Variants in CATSPER2 observed in about 807,000 individuals in gnomAD.
CATSPER2 encodes cation channel sperm associated 2.
A neutral mutation model predicts 68.8 loss-of-function variants in CATSPER2; 56 were observed. The observed-to-expected ratio is 0.81, with a 90% CI of 0.66 to 1.02. The LOEUF is 1.02. Ranked by LOEUF, CATSPER2 falls within the 50% of genes least tolerant of loss-of-function variation. CATSPER2 has a pLI of 0.00. For missense variants in CATSPER2, 582 were observed against 642.0 expected (o/e 0.91, Z 1.01); for synonymous variants, 198 against 229.9 (o/e 0.86, Z 1.26).
At chr15:43,645,656 G>T (rs1346343610) in intron 4 of CATSPER2, among the ~76,000 whole-genome samples, 1 of 151,712 alleles carries the variant, frequency 6.6e-6, no homozygotes, top group Non-Finnish European at 1.5e-5. Flanking sequence ...GCCTGGTGTA[G>T]TGGGCATGCA....
Position 43,640,496 on chromosome 15 carries a change from T to G in CATSPER2, c.389A>C (p.Glu130Ala). The change falls in exon 5 of 13, where the codon GAA (glutamate) becomes GCA (alanine). Residue 130 changes from glutamate (E) to alanine (A), a missense_variant and splice_region_variant. Around this residue, in one of 5 missense-constraint regions of CATSPER2, gnomAD observed 197 missense variants for 191.0 expected, o/e 1.03. Transcript: ENST00000396879. Reference sequence around the variant, plus strand: ...TTTGGTATTTGTGGATTCCAGCAATTCTGTGAAGATAGAGCAAAGGAGGAA... The same window carrying G: ...TTTGGTATTTGTGGATTCCAGCAATGCTGTGAAGATAGAGCAAAGGAGGAA... ...LNTIILMVEI[E>A]LLESTNTKLW... 10 of 1,613,142 alleles carry G rather than the reference T, an allele frequency of 6.2e-6. No individual in the cohort carries two copies. Among genetic ancestry groups the G allele is most frequent in the Non-Finnish European group, 8.5e-6 (10 of 1,179,400 alleles).
rs189045160 is a variant in CATSPER2, at chr15:43,630,529, G to A, written c.*172C>T. The A allele has an allele frequency of 1.8e-5, 25 of 1,422,402 alleles. 1 individual carries two copies. The Admixed American group carries it at 5.5e-4, about 31-fold the overall frequency. The allele number at this position is 1,422,402 out of a possible 1,614,324, so 88.1% of individuals were successfully genotyped here. A position where few individuals can be genotyped will look rare whatever the true frequency, so the allele number is the denominator to read the frequency against. ...GCCACCACACCCAGCTAATTTTTTT[G>A]TATTTTTAGTAGAGACAGGGTTTCA... is the stretch of plus-strand genomic sequence containing the variant. On this transcript the variant is annotated 3_prime_UTR_variant, in exon 13 of 13. Transcript: ENST00000396879.
intron 7 of CATSPER2, chr15:43,637,677 G>A (rs2085987867): frequency 6.6e-6 from 1 of 151,862 alleles, no homozygotes; most frequent in South Asian, 2.1e-4. Context: ...CCTTGCACAA[G>A]GGCCATGCTA....
At chr15:43,634,042 T>C (rs995231956) in intron 10 of CATSPER2, 10 of 152,048 alleles carry the variant, frequency 6.6e-5, no homozygotes, top group South Asian at 2.1e-4. Flanking sequence ...CTACTTTTAA[T>C]TTTCCCATAA....
intron 1 of CATSPER2, among the ~76,000 whole-genome samples, 183 bp from the exon 2 acceptor site, chr15:43,648,246 C>T (rs776769140): frequency 6.6e-6 from 1 of 151,882 alleles, no homozygotes; most frequent in African/African-American, 2.4e-5. Context: ...TGTTTTGAAA[C>T]AAAAGGGGCT....
intron 4 of CATSPER2, among the ~76,000 whole-genome samples, chr15:43,646,774 G>A (rs1181403782): frequency 6.7e-6 from 1 of 150,068 alleles, no homozygotes; most frequent in Non-Finnish European, 1.5e-5. Flanking sequence ...AAATGCAGTG[G>A]CACAATCTCG....
At chr15:43,632,515 A>C in intron 11 of CATSPER2, 152 bp from the exon 12 acceptor site, 2 of 1,412,912 alleles carry the variant, frequency 1.4e-6, no homozygotes, top group Non-Finnish European at 2.0e-6. Flanking sequence ...ACCACTTTTT[A>C]CAACGAGCAA....
intron 4 of CATSPER2, among the ~76,000 whole-genome samples, chr15:43,645,944 A>G (rs1366558067): frequency 1.3e-5 from 2 of 152,026 alleles, no homozygotes; most frequent in Non-Finnish European, 2.9e-5. Context: ...CATATAATTT[A>G]TTATTGGTTT....
At chr15:43,630,882 G>A in intron 12 of CATSPER2, 150 bp from the exon 13 acceptor site, 2 of 1,526,962 alleles carry the variant, frequency 1.3e-6, no homozygotes, top group Non-Finnish European at 1.8e-6. Context: ...TGTACTCTTT[G>A]CCATAGACAA....
At chr15:43,644,991 T>C (rs1293387095) in intron 4 of CATSPER2, among the ~76,000 whole-genome samples, 1 of 152,044 alleles carries the variant, frequency 6.6e-6, no homozygotes, top group Non-Finnish European at 1.5e-5. Flanking sequence ...GTATATAGTA[T>C]ACTGTAGTGG....
intron 4 of CATSPER2, chr15:43,642,949 G>C (rs2086098022): frequency 6.6e-6 from 1 of 152,026 alleles, no homozygotes; most frequent in Admixed American, 6.6e-5. Flanking sequence ...AATGGAAATA[G>C]AGACCAGGAG....
chr15:43,637,262 G>A (rs2085981019), intron 7 of CATSPER2, among the ~76,000 whole-genome samples: 1 of 151,632 alleles, frequency 6.6e-6, no homozygotes, highest in Non-Finnish European at 1.5e-5. Context: ...TTAGTTTGCT[G>A]GTATGAAATG....
At chr15:43,635,567 T>A (rs2085949103) in intron 9 of CATSPER2, 151 bp from the exon 10 acceptor site, 1 of 1,069,432 alleles carries the variant, frequency 9.4e-7, no homozygotes, top group Non-Finnish European at 1.4e-6. Context: ...CACCCCACAG[T>A]GGATGAAGAA....
intron 4 of CATSPER2, among the ~76,000 whole-genome samples, chr15:43,643,808 T>TA (rs2086113348): frequency 6.6e-6 from 1 of 151,976 alleles, no homozygotes; most frequent in African/African-American, 2.4e-5. Context: ...TCTTCAGGAA[T>TA]ATGCCCACCT....
At chr15:43,642,255 A>G (rs2086089194) in intron 4 of CATSPER2, 1 of 151,894 alleles carries the variant, frequency 6.6e-6, no homozygotes, top group Non-Finnish European at 1.5e-5. Flanking sequence ...ATGCGCCACC[A>G]TGCCCAGCTA....
chr15:43,640,489 C>T lies in CATSPER2; in HGVS notation c.396G>A (p.Leu132=), dbSNP rs1245957017. Residue 132 remains leucine, a synonymous_variant, in exon 5 of 13, where the codon CTG becomes CTA. Coordinates refer to ENST00000396879, the MANE Select transcript of CATSPER2 (RefSeq NM_172095.4). ...GCCATAGTTTGGTATTTGTGGATTC[C>T]AGCAATTCTGTGAAGATAGAGCAAA... ...TIILMVEIEL[L]ESTNTKLWPL... is the part of the protein sequence containing the mutation. The T allele has an allele frequency of 1.9e-6, 3 of 1,613,086 alleles. No individual in the cohort carries two copies. The highest frequency in any genetic ancestry group is 1.7e-6 in the Non-Finnish European group (2 of 1,179,486).
rs2086018914 is a variant in CATSPER2, at chr15:43,638,983, A to C, written c.763T>G (p.Phe255Val). The C allele has an allele frequency of 1.2e-6, 2 of 1,613,074 alleles. No individual in the cohort carries two copies. Among genetic ancestry groups the C allele is most frequent in the East Asian group, 4.5e-5 (2 of 44,840 alleles). Reference protein sequence around the residue: ...LMLLLIFFYIFAVTGVYVFSE... With the variant: ...LMLLLIFFYIVAVTGVYVFSE... ...AAGACGTAGACACCAGTCACAGCAA[A>C]AATGTAGAAGAAGATGAGCAGCAAC... The change falls in exon 7 of 13, where the codon TTT (phenylalanine) becomes GTT (valine). Residue 255 changes from phenylalanine (F) to valine (V), a missense_variant. Coordinates refer to ENST00000396879, the MANE Select transcript of CATSPER2 (RefSeq NM_172095.4).
At chr15:43,643,900 G>A (rs1434703139) in intron 4 of CATSPER2, among the ~76,000 whole-genome samples, 1 of 151,860 alleles carries the variant, frequency 6.6e-6, no homozygotes, top group Non-Finnish European at 1.5e-5. Context: ...CCAGGCTGCA[G>A]TGCACTGGTG....
At chr15:43,631,954 C>T (rs2085878960) in intron 12 of CATSPER2, among the ~76,000 whole-genome samples, 1 of 151,982 alleles carries the variant, frequency 6.6e-6, no homozygotes, top group South Asian at 2.1e-4. Flanking sequence ...TCTCATACCT[C>T]ATAGGATTTG....
Sources: allele counts gnomAD v4.1 joint callset (sites outside exome capture counted in the v4.1 genomes callset), GRCh38; gene constraint gnomAD v4.1.1; regional missense constraint gnomAD v4.1.1; transcripts MANE v1.5; gene names NCBI Gene and HGNC (gene_info 2026-07-23, HGNC 2026-07-21).